Variants in SLCO2A1 observed in about 807,000 individuals in gnomAD.
SLCO2A1 encodes matrin F/G 1.
SLCO2A1 carries 60 observed loss-of-function variants against 71.7 expected under a neutral mutation model. The ratio of observed to expected loss-of-function variants is 0.84; its 90% CI spans 0.68 to 1.04. The LOEUF (loss-of-function observed/expected upper bound fraction) is 1.04, where lower values mean the gene tolerates loss of function less well. Ranked by LOEUF, SLCO2A1 falls within the 50% of genes least tolerant of loss-of-function variation. SLCO2A1 has a pLI of 0.00. For missense variants in SLCO2A1, 745 were observed against 813.4 expected (o/e 0.92, Z 1.02); for synonymous variants, 308 against 326.7 (o/e 0.94, Z 0.62).
At chr3:133,958,442 G>A (rs940467890) in intron 3 of SLCO2A1, among the ~76,000 whole-genome samples, 7 of 152,216 alleles carry the variant, frequency 4.6e-5, no homozygotes, top group African/African-American at 1.4e-4. Flanking sequence ...TGTTGCCCCA[G>A]GTGGGTAAGA....
intron 3 of SLCO2A1, among the ~76,000 whole-genome samples, chr3:133,961,021 G>A (rs772861099): frequency 2.0e-5 from 3 of 152,030 alleles, no homozygotes; most frequent in Non-Finnish European, 4.4e-5. Context: ...CCTCCAGGGT[G>A]AGGCCTGGCT....
chr3:133,978,210 G>C (rs1934505517), intron 2 of SLCO2A1, among the ~76,000 whole-genome samples: 1 of 152,212 alleles, frequency 6.6e-6, no homozygotes, highest in Non-Finnish European at 1.5e-5. Context: ...GTGAGCAAGA[G>C]ACTGGAGGAA....
At chr3:134,003,952 C>T (rs1935151673) in intron 1 of SLCO2A1, among the ~76,000 whole-genome samples, 1 of 152,194 alleles carries the variant, frequency 6.6e-6, no homozygotes, top group African/African-American at 2.4e-5. Flanking sequence ...GAGAGAAATT[C>T]TCCCTGTGTA....
chr3:133,966,871 T>C (rs1934191091), intron 3 of SLCO2A1, among the ~76,000 whole-genome samples: 1 of 152,176 alleles, frequency 6.6e-6, no homozygotes, highest in African/African-American at 2.4e-5. Flanking sequence ...CTGTCTCCCT[T>C]GGGGATGCTT....
At chr3:134,002,876 G>A (rs947016943) in intron 1 of SLCO2A1, among the ~76,000 whole-genome samples, 8 of 152,076 alleles carry the variant, frequency 5.3e-5, no homozygotes, top group African/African-American at 1.9e-4. Context: ...CAAATCTATT[G>A]CATAAAACAG....
intron 4 of SLCO2A1, among the ~76,000 whole-genome samples, chr3:133,954,167 T>C (rs1479570531): frequency 6.9e-6 from 1 of 145,636 alleles, no homozygotes. Context: ...TTTTTTTTTT[T>C]TTTTTTTTTT....
intron 6 of SLCO2A1, 192 bp downstream of exon 6, chr3:133,951,016 A>ATACC (rs1933731180): frequency 2.9e-6 from 2 of 690,596 alleles, no homozygotes; most frequent in Non-Finnish European, 5.1e-6. Flanking sequence ...CACATAGGAG[A>ATACC]TACCACCTTT....
Position 133,979,588 on chromosome 3 carries a change from G to A in SLCO2A1, c.127C>T (p.Leu43Phe), listed in dbSNP as rs748436005. ...VFVLCQGLLQ[L>F]CQLLYSAYFK... is the part of the protein sequence containing the mutation. Reference sequence around the variant, plus strand: ...TAGGCGCTGTACAGGAGTTGGCAGAGCTGCAGGAGGCCTTGGCAGAGCACA... The same window carrying A: ...TAGGCGCTGTACAGGAGTTGGCAGAACTGCAGGAGGCCTTGGCAGAGCACA... The change falls in exon 2 of 14, where the codon CTC (leucine) becomes TTC (phenylalanine). Residue 43 changes from leucine (L) to phenylalanine (F), a missense_variant. Leu to Phe is a conservative substitution (Grantham distance 22). Coordinates refer to ENST00000310926, the MANE Select transcript of SLCO2A1 (RefSeq NM_005630.3). 1.9e-6 allele frequency: 3 copies of A among 1,613,826 alleles called. No homozygotes were observed. The highest frequency in any genetic ancestry group is 2.2e-5 in the South Asian group (2 of 91,034).
intron 1 of SLCO2A1, among the ~76,000 whole-genome samples, chr3:134,024,846 T>C (rs527926427): frequency 1.2e-4 from 19 of 152,238 alleles, no homozygotes; most frequent in East Asian, 3.9e-4. Context: ...CACATAACCA[T>C]TGAAGTTTGC....
intron 3 of SLCO2A1, among the ~76,000 whole-genome samples, chr3:133,963,013 G>A (rs1934077759): frequency 6.6e-6 from 1 of 152,100 alleles, no homozygotes. Context: ...TTTTCCCATA[G>A]AACACCAGAG....
Position 133,948,892 on chromosome 3 carries a change from C to T in SLCO2A1, c.940+1G>A, listed in dbSNP as rs765249238. 2.6e-5 allele frequency: 42 copies of T among 1,613,870 alleles called. No homozygotes were observed. In the East Asian group the frequency reaches 6.7e-4, roughly 26 times the overall value. Reference sequence around the variant, plus strand: ...CCACCCAGGGCTGTAGGGTCAGTTACGTTTAATGAAATCCACCAGGGAGCC... The same window carrying T: ...CCACCCAGGGCTGTAGGGTCAGTTATGTTTAATGAAATCCACCAGGGAGCC... On this transcript the variant is annotated splice_donor_variant, in intron 7 of 13. Coordinates refer to ENST00000310926, the MANE Select transcript of SLCO2A1 (RefSeq NM_005630.3). LOFTEE classifies it high-confidence loss of function.
Position 133,979,618 on chromosome 3 carries a change from C to G in SLCO2A1, c.97G>C (p.Val33Leu). The G allele has an allele frequency of 6.2e-7, 1 of 1,608,364 alleles. No individual in the cohort carries two copies. The highest frequency in any genetic ancestry group is 2.2e-5 in the East Asian group (1 of 44,740). ...CARSVFGNIK[V>L]FVLCQGLLQL... is the part of the protein sequence containing the mutation. ...AGGAGGCCTTGGCAGAGCACAAACA[C>G]CTGGGGGAAGAGTGATGGGCCCGTG... The change falls in exon 2 of 14, where the codon GTG (valine) becomes CTG (leucine). Residue 33 changes from valine (V) to leucine (L), a missense_variant and splice_region_variant. By Grantham distance (32) the Val-to-Leu change is conservative (BLOSUM62 1). Coordinates refer to ENST00000310926, the MANE Select transcript of SLCO2A1 (RefSeq NM_005630.3).
chr3:133,962,609 C>T (rs1934065869), intron 3 of SLCO2A1, among the ~76,000 whole-genome samples: 1 of 152,114 alleles, frequency 6.6e-6, no homozygotes, highest in African/African-American at 2.4e-5. Context: ...TCTCTTTGCA[C>T]CACTCCACAC....
At chr3:133,983,174 T>A (rs1934632740) in intron 1 of SLCO2A1, among the ~76,000 whole-genome samples, 1 of 152,190 alleles carries the variant, frequency 6.6e-6, no homozygotes, top group South Asian at 2.1e-4. Flanking sequence ...ATCCTAAAAG[T>A]GGACAAAGAA....
chr3:133,953,549 G>C (rs1284781189), intron 5 of SLCO2A1, 114 bp downstream of exon 5: 4 of 763,012 alleles, frequency 5.2e-6, no homozygotes. Context: ...GAGTGAGGAG[G>C]TGGCAGAGCG....
chr3:133,948,947 C>T lies in SLCO2A1; in HGVS notation c.886G>A (p.Ala296Thr), dbSNP rs781639518. The stretch of plus-strand genomic sequence containing the variant: ...GACTTGGCCTCCTCCAACTTCCTTG[C>T]TTCATCTGCTGTGGCAGGAGCCCTC... ...AKRAPATADEARKLEEAKSRG... is the reference protein window; with the variant it reads ...AKRAPATADETRKLEEAKSRG... Residue 296 changes from alanine (A) to threonine (T), a missense_variant, in exon 7 of 14, where the codon GCA (alanine) becomes ACA (threonine). By Grantham distance (58) the Ala-to-Thr change is moderately conservative (BLOSUM62 0). Transcript: ENST00000310926. The T allele has an allele frequency of 2.5e-6, 4 of 1,614,038 alleles. No individual in the cohort carries two copies. The highest frequency in any genetic ancestry group is 1.7e-6 in the Non-Finnish European group (2 of 1,180,006).
rs1933177153 is a variant in SLCO2A1, at chr3:133,932,960, A to G, written c.*1753T>C. 1 of 152,644 alleles carries G rather than the reference A, an allele frequency of 6.6e-6. No individual in the cohort carries two copies. The highest frequency in any genetic ancestry group is 2.1e-4 in the South Asian group (1 of 4,828). The allele number at this position is 152,644 out of a possible 1,614,324, so 9.5% of individuals were successfully genotyped here. On this transcript the variant is annotated 3_prime_UTR_variant, in exon 14 of 14. Coordinates refer to ENST00000310926, the MANE Select transcript of SLCO2A1 (RefSeq NM_005630.3). ...CTCCCTTCCTGAGTGAGATGTTTGG[A>G]AATGAGGTGGCTTTGGAAATAAGCT...
chr3:133,942,538 G>A (rs1027699682), intron 11 of SLCO2A1, 67 bp downstream of exon 11: 21 of 1,487,478 alleles, frequency 1.4e-5, no homozygotes, highest in East Asian at 4.8e-5. Context: ...GCAACTAGGC[G>A]CAAAGTCAAA....
Position 133,934,925 on chromosome 3 carries a change from G to A in SLCO2A1, c.1815-95C>T, listed in dbSNP as rs998384644. ...CTGGGAAGAACCACATCATTCCCAC[G>A]CTGGCCCGCGGAAGGTGTGGGCACC... On this transcript the variant is annotated intron_variant, in intron 13 of 13. Transcript: ENST00000310926. The A allele has an allele frequency of 1.1e-4, 101 of 959,002 alleles. 1 individual carries two copies. The highest frequency in any genetic ancestry group is 6.6e-4 in the African/African-American group (41 of 62,414). 59.4% of individuals were successfully genotyped at this position (959,002 alleles called of 1,614,324 possible). A position where few individuals can be genotyped will look rare whatever the true frequency, so the allele number is the denominator to read the frequency against.
Sources: allele counts gnomAD v4.1 joint callset (sites outside exome capture counted in the v4.1 genomes callset), GRCh38; gene constraint gnomAD v4.1.1; transcripts MANE v1.5; gene names NCBI Gene and HGNC (gene_info 2026-07-23, HGNC 2026-07-21).